The following DAG1 variants were observed in gnomAD, a reference collection of about 807,000 sequenced individuals.
DAG1 encodes the protein dystroglycan 1 (dystrophin-associated glycoprotein 1).
In DAG1, 8 loss-of-function variants were observed where a neutral mutation model predicts 46.1. The ratio of observed to expected loss-of-function variants is 0.17; its 90% CI spans 0.10 to 0.31. DAG1 has a LOEUF of 0.31. Ranked by LOEUF, DAG1 falls within the 10% of genes least tolerant of loss-of-function variation. DAG1 has a pLI of 1.00. For missense variants in DAG1, 1,003 were observed against 1,189.9 expected (o/e 0.84, Z 2.31); for synonymous variants, 495 against 481.8 (o/e 1.03, Z -0.36).
intron 1 of DAG1, among the ~76,000 whole-genome samples, chr3:49,507,398 A>G (rs927376558): frequency 3.9e-5 from 6 of 152,070 alleles, no homozygotes; most frequent in Non-Finnish European, 7.4e-5. Context: ...CCCCGTCTCT[A>G]TTAAAAATAC....
intron 1 of DAG1, among the ~76,000 whole-genome samples, chr3:49,510,001 T>C (rs2050718156): frequency 6.6e-6 from 1 of 152,230 alleles, no homozygotes; most frequent in South Asian, 2.1e-4. Flanking sequence ...GATGCCAGGA[T>C]CATAGGCGTG....
intron 2 of DAG1, among the ~76,000 whole-genome samples, chr3:49,521,291 G>A (rs1039011360): frequency 2.6e-5 from 4 of 151,974 alleles, no homozygotes; most frequent in African/African-American, 9.7e-5. Context: ...AGCCTCCCAA[G>A]TAGCTGGGAC....
intron 1 of DAG1, among the ~76,000 whole-genome samples, chr3:49,486,776 T>A (rs1575352010): frequency 6.6e-6 from 1 of 152,236 alleles, no homozygotes; most frequent in Admixed American, 6.5e-5. Flanking sequence ...GTGTTGGGAT[T>A]ACAGGCGTGA....
intron 1 of DAG1, among the ~76,000 whole-genome samples, chr3:49,471,735 A>G (rs1188917738): frequency 6.6e-6 from 1 of 152,230 alleles, no homozygotes; most frequent in African/African-American, 2.4e-5. Flanking sequence ...TGCAAAATGC[A>G]TTTATTCATT....
intron 2 of DAG1, among the ~76,000 whole-genome samples, chr3:49,520,383 A>G (rs958043054): frequency 6.6e-6 from 1 of 152,222 alleles, no homozygotes; most frequent in African/African-American, 2.4e-5. Context: ...TCAGCTTGCA[A>G]TGAGGAGGCC....
chr3:49,485,577 A>G (rs2050001672), intron 1 of DAG1, among the ~76,000 whole-genome samples: 1 of 152,088 alleles, frequency 6.6e-6, no homozygotes, highest in Non-Finnish European at 1.5e-5. Flanking sequence ...TTTGAAGCCA[A>G]ATTCAGATTT....
Position 49,530,806 on chromosome 3 carries a change from G to T in DAG1, c.295G>T (p.Ala99Ser). 6.2e-7 allele frequency: 1 copy of T among 1,614,182 alleles called. No homozygotes were observed. The highest frequency in any genetic ancestry group is 8.5e-7 in the Non-Finnish European group (1 of 1,180,030). The part of the protein sequence containing the change: ...SSGDIIKVSA[A>S]GKEALPSWLH... ...CTTGTGTCTCTTCTAGGTATCAGCG[G>T]CAGGGAAGGAGGCTTTGCCATCTTG... Residue 99 changes from alanine (A) to serine (S), a missense_variant, in exon 3 of 3, where the codon GCA becomes TCA. Ala to Ser is a moderately conservative substitution (Grantham distance 99). Around this residue, in one of 3 missense-constraint regions of DAG1, gnomAD observed 196 missense variants for 239.1 expected, o/e 0.82. Transcript: ENST00000308775.
intron 1 of DAG1, among the ~76,000 whole-genome samples, chr3:49,480,471 G>T (rs2049845848): frequency 6.7e-6 from 1 of 149,290 alleles, no homozygotes. Context: ...TAGAGACGGG[G>T]TTTCACTGTG....
At chr3:49,523,640 G>A (rs2051096328) in intron 2 of DAG1, among the ~76,000 whole-genome samples, 1 of 152,164 alleles carries the variant, frequency 6.6e-6, no homozygotes, top group South Asian at 2.1e-4. Context: ...GGACCCCACT[G>A]TGCACTGGGT....
intron 1 of DAG1, among the ~76,000 whole-genome samples, chr3:49,491,541 G>A (rs947050384): frequency 1.1e-4 from 17 of 150,672 alleles, no homozygotes; most frequent in Middle Eastern, 3.5e-3. Context: ...GCAGTGGCGC[G>A]ATCTTGCTCA....
rs1381426314 is a variant in DAG1, at chr3:49,482,457, AATTC to A, written c.-117+12025_-117+12028del. On this transcript the variant is annotated intron_variant, in intron 1 of 2. Coordinates refer to ENST00000308775, the MANE Select transcript of DAG1 (RefSeq NM_004393.6). ...GTAAAACCTGATTGTACATTTGTTCAATTCTGAGATAGGAGAAAAACTGCCCTAT... is the reference window on the plus strand; with the variant it reads ...GTAAAACCTGATTGTACATTTGTTCATGAGATAGGAGAAAAACTGCCCTAT... 2.0e-5 allele frequency among the ~76,000 whole-genome samples: 3 copies of A among 152,194 alleles called. No individual in the cohort carries two copies. In the East Asian group the frequency reaches 5.8e-4, roughly 29 times the overall value.
intron 2 of DAG1, among the ~76,000 whole-genome samples, chr3:49,521,373 G>A (rs1258115160): frequency 1.3e-5 from 2 of 152,082 alleles, no homozygotes; most frequent in African/African-American, 4.8e-5. Context: ...CACCGTGTTA[G>A]CCAGGATGGT....
intron 1 of DAG1, among the ~76,000 whole-genome samples, chr3:49,488,129 TTA>T (rs1211857588): frequency 6.6e-6 from 1 of 152,170 alleles, no homozygotes; most frequent in Admixed American, 6.6e-5. Context: ...TGGCTAACTA[TTA>T]AGTACCATTA....
chr3:49,515,487 G>A (rs546831555), intron 2 of DAG1, among the ~76,000 whole-genome samples: 5 of 149,246 alleles, frequency 3.4e-5, no homozygotes, highest in Non-Finnish European at 7.4e-5. Context: ...CCTAGCTTAA[G>A]CAATCCTCTC....
rs748336781 is a variant in DAG1, at chr3:49,531,840, C to A, written c.1329C>A (p.Thr443=). ...CAACGCCTTCAACTGACTCCACCACCACCACGACTCGCAGGCCAACCAAGA... is the reference window on the plus strand; with the variant it reads ...CAACGCCTTCAACTGACTCCACCACAACCACGACTCGCAGGCCAACCAAGA... ...KPATPSTDST[T]TTTRRPTKKP... Residue 443 remains threonine, a synonymous_variant, in exon 3 of 3, where the codon ACC becomes ACA. Transcript: ENST00000308775. This position sits in a 1 kb window ranked among gnomAD's most constrained non-coding sequence, Gnocchi z 7.0. 2 of 1,614,046 alleles carry A rather than the reference C, an allele frequency of 1.2e-6. No individual in the cohort carries two copies. The highest frequency in any genetic ancestry group is 3.3e-5 in the Admixed American group (2 of 60,008).
intron 1 of DAG1, among the ~76,000 whole-genome samples, chr3:49,495,440 TGCTGAAGTGTTAATTGTTGG>T (rs1290675283): frequency 1.3e-5 from 2 of 152,206 alleles, no homozygotes; most frequent in African/African-American, 4.8e-5. Context: ...GGTAAACATG[TGCTGAAGTGTTAATTGTTGG>T]GCTGTCTTCA....
At chr3:49,478,751 A>G (rs2049771345) in intron 1 of DAG1, among the ~76,000 whole-genome samples, 1 of 146,272 alleles carries the variant, frequency 6.8e-6, no homozygotes, top group South Asian at 2.1e-4. Flanking sequence ...TGACAAAGTG[A>G]GACCCTGGCT....
rs2050214667 is a variant in DAG1, at chr3:49,492,473, C to T, written c.-116-17946C>T. ...ACCAGCCTGGGCAACGTGGTAAGGC[C>T]CCATCTCTACAAAAGATAAAAAATT... On this transcript the variant is annotated intron_variant, in intron 1 of 2. Transcript: ENST00000308775. Among the ~76,000 whole-genome samples the T allele has an allele frequency of 2.0e-5, 3 of 151,926 alleles. No homozygotes were observed. In the South Asian group the frequency reaches 6.2e-4, roughly 32 times the overall value.
chr3:49,509,975 C>T (rs972796289), intron 1 of DAG1, among the ~76,000 whole-genome samples: 1 of 152,176 alleles, frequency 6.6e-6, no homozygotes, highest in Non-Finnish European at 1.5e-5. Context: ...GTCATCCACC[C>T]ACCCTAGTCT....
Sources: allele counts gnomAD v4.1 joint callset (sites outside exome capture counted in the v4.1 genomes callset), GRCh38; gene constraint gnomAD v4.1.1; regional missense constraint gnomAD v4.1.1; non-coding constraint Gnocchi (gnomAD v3.1); transcripts MANE v1.5; gene names NCBI Gene and HGNC (gene_info 2026-07-23, HGNC 2026-07-21).